The following CHN1 variants were observed in gnomAD, a reference collection of about 807,000 sequenced individuals.
CHN1 encodes N-chimaerin.
In CHN1, 37 loss-of-function variants were observed where a neutral mutation model predicts 59.5. The ratio of observed to expected loss-of-function variants is 0.62; its 90% confidence interval spans 0.48 to 0.82. CHN1 has a LOEUF of 0.82. CHN1 is among the 40% of genes least tolerant of loss of function. The probability of loss-of-function intolerance (pLI) is 0.00; values close to 1 mark genes in which losing one functional copy is unlikely to be tolerated. For synonymous variants in CHN1, 206 were observed against 200.4 expected (o/e 1.03, Z -0.24); for missense variants, 469 against 571.0 (o/e 0.82, Z 1.82).
At chr2:175,003,630 C>G (rs570671578) in intron 1 of CHN1, among the ~76,000 whole-genome samples, 2 of 152,208 alleles carry the variant, frequency 1.3e-5, no homozygotes, top group East Asian at 3.9e-4. Flanking sequence ...TACTGAGAAA[C>G]AGCGAGAATT....
intron 7 of CHN1, among the ~76,000 whole-genome samples, chr2:174,833,308 AT>A (rs1346755197): frequency 7.2e-5 from 11 of 152,176 alleles, no homozygotes; most frequent in Non-Finnish European, 1.6e-4. Context: ...TACATTCTTC[AT>A]TCCCAATAAT....
chr2:174,932,456 C>G (rs1193622), intron 3 of CHN1, among the ~76,000 whole-genome samples: 75,000 of 151,970 alleles, frequency 0.49, 19,694 homozygotes, highest in African/African-American at 0.67. Flanking sequence ...CAAGAGGCTG[C>G]GAAAATTTAG....
intron 11 of CHN1, among the ~76,000 whole-genome samples, chr2:174,808,328 G>A (rs1297253096): frequency 6.6e-6 from 1 of 152,206 alleles, no homozygotes; most frequent in African/African-American, 2.4e-5. Context: ...TTGTTGCCCA[G>A]GCTGGAATGC....
Position 175,005,371 on chromosome 2 carries a change from G to C in CHN1, c.-459C>G, listed in dbSNP as rs978074533. ...GCCTCGCAGACGCCATCTTGCGATA[G>C]CGTCTCCCACGAGCTCGGCCGCGCC... On this transcript the variant is annotated 5_prime_UTR_variant, in exon 1 of 13. Transcript: ENST00000409900. 2 of 1,095,746 alleles carry C rather than the reference G, an allele frequency of 1.8e-6. No homozygotes were observed. The highest frequency in any genetic ancestry group is 5.0e-5 in the Admixed American group (1 of 20,166). 67.9% of individuals were successfully genotyped at this position (1,095,746 alleles called of 1,614,324 possible).
chr2:174,938,963 A>AT (rs1292164222), intron 3 of CHN1, among the ~76,000 whole-genome samples: 2 of 152,168 alleles, frequency 1.3e-5, no homozygotes, highest in Admixed American at 1.3e-4. Context: ...TACAATAAAT[A>AT]TTTTTTATAT....
At chr2:174,863,510 A>T (rs1479960131) in intron 6 of CHN1, among the ~76,000 whole-genome samples, 1 of 152,146 alleles carries the variant, frequency 6.6e-6, no homozygotes, top group Admixed American at 6.5e-5. Context: ...TGTTTCAAAA[A>T]TTGGTTATTT....
chr2:174,915,011 G>A (rs201893859), intron 5 of CHN1, 47 bp downstream of exon 5: 16 of 1,152,366 alleles, frequency 1.4e-5, no homozygotes, highest in African/African-American at 1.1e-4. Flanking sequence ...CCTATATTAA[G>A]AGAGTTTTAA....
intron 1 of CHN1, among the ~76,000 whole-genome samples, chr2:174,988,824 T>C (rs1487763670): frequency 6.6e-6 from 1 of 152,202 alleles, no homozygotes; most frequent in Admixed American, 6.5e-5. Flanking sequence ...TGCTGTAATT[T>C]AGGGAAACAG....
intron 3 of CHN1, among the ~76,000 whole-genome samples, chr2:174,942,892 A>G (rs763858254): frequency 7.9e-5 from 12 of 152,004 alleles, no homozygotes; most frequent in Non-Finnish European, 1.3e-4. Context: ...TCTACAAAAA[A>G]GTACAAAAAT....
chr2:174,831,954 T>A (rs1305691015), intron 7 of CHN1, among the ~76,000 whole-genome samples: 2 of 152,074 alleles, frequency 1.3e-5, no homozygotes, highest in Non-Finnish European at 2.9e-5. Flanking sequence ...CATAGCTGAG[T>A]GACAGAAAAT....
chr2:174,894,612 G>A (rs893968902), intron 5 of CHN1, among the ~76,000 whole-genome samples: 5 of 152,090 alleles, frequency 3.3e-5, no homozygotes, highest in Admixed American at 2.0e-4. Flanking sequence ...CCAGCAATCC[G>A]ACTTCCGCAT....
intron 5 of CHN1, among the ~76,000 whole-genome samples, chr2:174,887,530 C>G (rs978272079): frequency 4.6e-5 from 7 of 152,040 alleles, no homozygotes; most frequent in African/African-American, 1.7e-4. Context: ...GATAAGGAAA[C>G]TGAAACTTAG....
At chr2:174,976,257 T>C (rs1276341308) in intron 1 of CHN1, among the ~76,000 whole-genome samples, 9 of 151,866 alleles carry the variant, frequency 5.9e-5, no homozygotes, top group Non-Finnish European at 1.2e-4. Flanking sequence ...ATAAAATGAC[T>C]TCAAATTTAT....
chr2:174,925,578 C>G (rs1433361813), intron 3 of CHN1, among the ~76,000 whole-genome samples: 4 of 152,208 alleles, frequency 2.6e-5, no homozygotes, highest in African/African-American at 9.6e-5. Flanking sequence ...CATCTTTTCT[C>G]TCCAAAGGCT....
chr2:174,960,712 C>T (rs2105424635), intron 1 of CHN1, among the ~76,000 whole-genome samples: 1 of 152,230 alleles, frequency 6.6e-6, no homozygotes, highest in East Asian at 1.9e-4. Flanking sequence ...GTCCCAGCTA[C>T]TCGGGAGGCT....
At chr2:174,805,332 A>G (rs1315303384) in intron 11 of CHN1, among the ~76,000 whole-genome samples, 1 of 152,250 alleles carries the variant, frequency 6.6e-6, no homozygotes, top group Non-Finnish European at 1.5e-5. Context: ...ATGACCCCTT[A>G]GAATATGTGC....
At chr2:174,892,349 A>G (rs1232862068) in intron 5 of CHN1, among the ~76,000 whole-genome samples, 1 of 152,220 alleles carries the variant, frequency 6.6e-6, no homozygotes, top group Non-Finnish European at 1.5e-5. Context: ...TAAAGCCTTT[A>G]TAAAAGAGGC....
intron 7 of CHN1, among the ~76,000 whole-genome samples, chr2:174,844,965 T>TA (rs1002785831): frequency 1.1e-4 from 16 of 151,954 alleles, no homozygotes; most frequent in East Asian, 1.9e-4. Flanking sequence ...TTTTAAGGCT[T>TA]AAAAAAAACA....
intron 5 of CHN1, among the ~76,000 whole-genome samples, chr2:174,899,848 A>G (rs1297629367): frequency 1.3e-5 from 2 of 152,266 alleles, no homozygotes; most frequent in East Asian, 1.9e-4. Context: ...CTTAGCCATT[A>G]GCAAACAAAT....
Sources: allele counts gnomAD v4.1 joint callset (sites outside exome capture counted in the v4.1 genomes callset), GRCh38; gene constraint gnomAD v4.1.1; transcripts MANE v1.5; gene names NCBI Gene and HGNC (gene_info 2026-07-23, HGNC 2026-07-21).